CUX1: variants seen among roughly 807,000 people sequenced by gnomAD.
The protein encoded by CUX1 is protein CASP.
In CUX1, 31 loss-of-function variants were observed where a neutral mutation model predicts 158.8. The observed-to-expected ratio is 0.20, with a 90% CI of 0.15 to 0.26. The LOEUF is 0.26. CUX1 is among the 10% of genes least tolerant of loss of function. The probability of loss-of-function intolerance (pLI) is 1.00; values close to 1 mark genes in which losing one functional copy is unlikely to be tolerated. For missense variants in CUX1, 1,589 were observed against 2,014.6 expected, an observed-to-expected ratio of 0.79 and a Z score of 4.04; for synonymous variants, 879 against 862.1, an observed-to-expected ratio of 1.02 and a Z score of -0.34.
intron 1 of CUX1, among the ~76,000 whole-genome samples, chr7:101,848,345 C>A (rs1333464319): frequency 6.6e-6 from 1 of 152,104 alleles, no homozygotes; most frequent in Non-Finnish European, 1.5e-5. Context: ...TGGGTGTGAG[C>A]AGCTTCCACA....
intron 8 of CUX1, among the ~76,000 whole-genome samples, chr7:102,150,142 T>G (rs936528945): frequency 6.6e-6 from 1 of 152,142 alleles, no homozygotes; most frequent in African/African-American, 2.4e-5. Flanking sequence ...GGGTTTTTTT[T>G]GTTTTCTTTG....
intron 22 of CUX1, among the ~76,000 whole-genome samples, chr7:102,238,875 GTTTC>G (rs1319021017): frequency 6.6e-6 from 1 of 151,624 alleles, no homozygotes; most frequent in Non-Finnish European, 1.5e-5. Flanking sequence ...TCTTAGCGTT[GTTTC>G]TTTTGTTTTG....
intron 3 of CUX1, among the ~76,000 whole-genome samples, chr7:102,038,834 A>G (rs1248416916): frequency 6.6e-6 from 1 of 152,164 alleles, no homozygotes; most frequent in East Asian, 1.9e-4. Flanking sequence ...ACATGCCTGT[A>G]GTCCCAGCTA....
chr7:102,023,085 C>G (rs1262982256), intron 2 of CUX1, among the ~76,000 whole-genome samples: 1 of 151,970 alleles, frequency 6.6e-6, no homozygotes, highest in Non-Finnish European at 1.5e-5. Context: ...CGGGGTGGCT[C>G]GCACCTATAG....
chr7:101,924,961 T>C (rs1413301259), intron 2 of CUX1, among the ~76,000 whole-genome samples: 1 of 152,158 alleles, frequency 6.6e-6, no homozygotes, highest in Admixed American at 6.6e-5. Context: ...CTCTCAACTC[T>C]TCTCTGTTAT....
chr7:102,122,624 G>T (rs868950895), intron 8 of CUX1, among the ~76,000 whole-genome samples: 1 of 152,234 alleles, frequency 6.6e-6, no homozygotes, highest in South Asian at 2.1e-4. Flanking sequence ...AAAACAAGGG[G>T]GTGGCTTCAT....
chr7:102,020,066 T>A (rs1056329229), intron 2 of CUX1, among the ~76,000 whole-genome samples: 1 of 152,230 alleles, frequency 6.6e-6, no homozygotes. Flanking sequence ...TAATCTAAAT[T>A]GACTGCTGAT....
At chr7:101,958,228 A>C (rs1443649033) in intron 2 of CUX1, among the ~76,000 whole-genome samples, 1 of 152,162 alleles carries the variant, frequency 6.6e-6, no homozygotes, top group Non-Finnish European at 1.5e-5. Flanking sequence ...CACAGGTAAC[A>C]GAAATGACAG....
At chr7:101,981,195 C>G (rs868262919) in intron 2 of CUX1, among the ~76,000 whole-genome samples, 12 of 152,102 alleles carry the variant, frequency 7.9e-5, no homozygotes, top group African/African-American at 2.4e-4. Flanking sequence ...CCCCGGCCCC[C>G]TCCTCCCCCA....
intron 1 of CUX1, among the ~76,000 whole-genome samples, chr7:101,903,373 G>A (rs1376955289): frequency 6.6e-6 from 1 of 152,170 alleles, no homozygotes. Flanking sequence ...TGGCTGGGTC[G>A]GGGGAATTAG....
downstream of CUX1, among the ~76,000 whole-genome samples, chr7:102,261,452 C>T (rs551025135): frequency 9.2e-5 from 14 of 152,146 alleles, no homozygotes; most frequent in South Asian, 2.9e-3. Flanking sequence ...CAAGATTGCG[C>T]CACTGCACTC....
intron 8 of CUX1, among the ~76,000 whole-genome samples, chr7:102,143,024 T>C (rs1426641623): frequency 2.6e-5 from 4 of 152,246 alleles, no homozygotes; most frequent in African/African-American, 4.8e-5. Flanking sequence ...CCTGGCACAG[T>C]TGGGGCAAGT....
At chr7:102,171,439 G>GTT (rs797042419) in intron 10 of CUX1, among the ~76,000 whole-genome samples, 13 of 141,756 alleles carry the variant, frequency 9.2e-5, no homozygotes, top group Admixed American at 1.4e-4. Flanking sequence ...TCAGTTTTGG[G>GTT]TTTTTTTTTT....
At chr7:102,040,344 A>T (rs1452843602) in intron 3 of CUX1, among the ~76,000 whole-genome samples, 1 of 152,172 alleles carries the variant, frequency 6.6e-6, no homozygotes, top group East Asian at 1.9e-4. Flanking sequence ...AAAGAGCAGC[A>T]GGAAGATGGG....
chr7:102,007,404 T>C (rs1817513962), intron 2 of CUX1, among the ~76,000 whole-genome samples: 1 of 151,992 alleles, frequency 6.6e-6, no homozygotes, highest in South Asian at 2.1e-4. Context: ...TAAGGGGACA[T>C]TTCCAAGCAC....
At position 102,001,635 on chromosome 7, in the gene CUX1, C is replaced by T. The variant is rs184793819; in HGVS notation, c.142-26463C>T. Among the ~76,000 whole-genome samples, 216 of 152,322 alleles carry T rather than the reference C, an allele frequency of 1.4e-3. 1 individual carries two copies. Among genetic ancestry groups the T allele is most frequent in the African/African-American group, 4.9e-3 (203 of 41,588 alleles). On this transcript the variant is annotated intron_variant, in intron 2 of 23. Transcript: ENST00000292535. ...CTGGGATTACAGGCGTGAGCCACCG[C>T]GCCCGGCCCCGTTTGGTGTTTTTAA...
intron 1 of CUX1, among the ~76,000 whole-genome samples, chr7:101,912,431 C>T (rs112401044): frequency 1.1e-4 from 16 of 152,268 alleles, no homozygotes; most frequent in African/African-American, 3.6e-4. Flanking sequence ...CAGAGGCTCA[C>T]GTGTCCCACA....
intron 2 of CUX1, among the ~76,000 whole-genome samples, chr7:101,955,443 G>A (rs1414588474): frequency 2.0e-5 from 3 of 152,184 alleles, no homozygotes. Flanking sequence ...ATAGACTTGA[G>A]GGAACTGAGC....
intron 2 of CUX1, among the ~76,000 whole-genome samples, chr7:101,930,698 G>T (rs189497027): frequency 6.6e-6 from 1 of 152,308 alleles, no homozygotes; most frequent in Admixed American, 6.5e-5. Flanking sequence ...GTCCTTAAAG[G>T]AGTATATAAT....
Sources: allele counts gnomAD v4.1 joint callset (sites outside exome capture counted in the v4.1 genomes callset), GRCh38; gene constraint gnomAD v4.1.1; transcripts MANE v1.5; gene names NCBI Gene and HGNC (gene_info 2026-07-23, HGNC 2026-07-21).